Variants in MTR observed in about 807,000 individuals in gnomAD.
The protein encoded by MTR is 5-methyltetrahydrofolate-homocysteine methyltransferase, also known as methionine synthase.
In MTR, 84 loss-of-function variants were observed where a neutral mutation model predicts 154.8. That is an observed-to-expected ratio of 0.54 (90% CI 0.45 to 0.65). The LOEUF is 0.65. MTR is among the 30% of genes least tolerant of loss of function. MTR has a pLI of 0.00. For synonymous variants in MTR, 554 were observed against 553.9 expected, an observed-to-expected ratio of 1.00 and a Z score of 0.00; for missense variants, 1,275 against 1,570.2, an observed-to-expected ratio of 0.81 and a Z score of 3.18.
At chr1:236,832,864 C>T (rs761121740) in intron 13 of MTR, among the ~76,000 whole-genome samples, 10 of 152,274 alleles carry the variant, frequency 6.6e-5, no homozygotes, top group South Asian at 2.1e-4. Flanking sequence ...TCCCTGGAGG[C>T]GTGTCTTCCT....
chr1:236,803,380 C>T (rs1215646034), intron 1 of MTR, 48 bp from the exon 2 acceptor site: 16 of 1,572,786 alleles, frequency 1.0e-5, no homozygotes, highest in Non-Finnish European at 1.3e-5. Context: ...CCTCACACAT[C>T]TTTTTCACCT....
At chr1:236,868,287 G>A (rs1664931628) in intron 22 of MTR, among the ~76,000 whole-genome samples, 2 of 151,894 alleles carry the variant, frequency 1.3e-5, no homozygotes, top group Admixed American at 6.6e-5. Flanking sequence ...TTTTTTTTTA[G>A]CAACAAGTAT....
chr1:236,822,318 T>TTTG (rs1487949637), intron 8 of MTR, among the ~76,000 whole-genome samples: 3 of 149,478 alleles, frequency 2.0e-5, no homozygotes, highest in Non-Finnish European at 4.5e-5. Flanking sequence ...TTTTGTTTTT[T>TTTG]TTTTTTTTTG....
At chr1:236,874,658 T>A in intron 23 of MTR, 68 bp from the exon 24 acceptor site, 2 of 1,327,448 alleles carry the variant, frequency 1.5e-6, no homozygotes, top group Non-Finnish European at 2.1e-6. Flanking sequence ...ATCTTCATCC[T>A]TTTCCTTTTT....
chr1:236,829,321 GA>G (rs1249283766), intron 12 of MTR, 53 bp downstream of exon 12: 1 of 1,436,394 alleles, frequency 7.0e-7, no homozygotes, highest in Non-Finnish European at 9.8e-7. Flanking sequence ...TGTGGAGTGT[GA>G]GTATTCTAAG....
chr1:236,896,776 G>T (rs1218283497), intron 31 of MTR, among the ~76,000 whole-genome samples: 2 of 152,136 alleles, frequency 1.3e-5, no homozygotes, highest in Admixed American at 6.5e-5. Context: ...TCCCAGGCCT[G>T]TCCCCCTGGG....
At chr1:236,856,097 T>A (rs1664185994) in intron 18 of MTR, among the ~76,000 whole-genome samples, 2 of 152,184 alleles carry the variant, frequency 1.3e-5, no homozygotes, top group African/African-American at 4.8e-5. Context: ...GTAGCCTCTT[T>A]TGCCTCTGTC....
At chr1:236,889,043 T>G in intron 27 of MTR, 138 bp from the exon 28 acceptor site, 1 of 1,038,334 alleles carries the variant, frequency 9.6e-7, no homozygotes, top group Non-Finnish European at 1.5e-6. Flanking sequence ...AAAGTTCCCC[T>G]CTTTGTAAAA....
intron 31 of MTR, among the ~76,000 whole-genome samples, chr1:236,896,614 G>A (rs1030589710): frequency 6.6e-6 from 1 of 152,200 alleles, no homozygotes; most frequent in Non-Finnish European, 1.5e-5. Flanking sequence ...GTCGTCCCTA[G>A]TATCAGTGGC....
At chr1:236,823,994 A>T in intron 8 of MTR, 125 bp from the exon 9 acceptor site, 1 of 810,096 alleles carries the variant, frequency 1.2e-6, no homozygotes, top group Non-Finnish European at 2.1e-6. Flanking sequence ...TAGTTGAATA[A>T]AAGTGCTTTG....
chr1:236,821,999 A>G (rs984223578), intron 8 of MTR, among the ~76,000 whole-genome samples: 3 of 152,134 alleles, frequency 2.0e-5, no homozygotes, highest in Non-Finnish European at 4.4e-5. Flanking sequence ...CAGTCCTTCA[A>G]CTTTTGTTTT....
chr1:236,795,532 C>A lies in MTR; in HGVS notation c.-172C>A, dbSNP rs1558264385. The A allele has an allele frequency of 2.0e-6, 3 of 1,530,956 alleles. No homozygotes were observed. The South Asian group carries it at 3.6e-5, about 18-fold the overall frequency. The allele number at this position is 1,530,956 out of a possible 1,614,324, so 94.8% of individuals were successfully genotyped here. A position where few individuals can be genotyped will look rare whatever the true frequency, so the allele number is the denominator to read the frequency against. ...GAGAGAGGCCCTAGGGCGCTGCGGG[C>A]TTTCGGGGTCCGCAGTCCCCCCGCG... On this transcript the variant is annotated 5_prime_UTR_variant, in exon 1 of 33. Transcript: ENST00000366577.
Position 236,851,989 on chromosome 1 carries a change from T to C in MTR, c.1696-532T>C, listed in dbSNP as rs188793452. ...TGCATGCCTGAACTTCTCTGTAGCA[T>C]AGACCCAGAAGTGGTTGGCTCATAG... is the stretch of plus-strand genomic sequence containing the variant. On this transcript the variant is annotated intron_variant, in intron 16 of 32. Transcript: ENST00000366577. 7.8e-4 allele frequency among the ~76,000 whole-genome samples: 119 copies of C among 152,292 alleles called. 3 individuals are homozygous for C. The highest frequency in any genetic ancestry group is 2.8e-3 in the African/African-American group (117 of 41,556).
chr1:236,807,465 C>T (rs191542333), intron 3 of MTR, among the ~76,000 whole-genome samples: 7 of 152,246 alleles, frequency 4.6e-5, no homozygotes, highest in Admixed American at 2.6e-4. Flanking sequence ...TGAGCCACCG[C>T]GCCTGGCCGG....
chr1:236,808,656 G>A (rs764840784), intron 3 of MTR, 48 bp from the exon 4 acceptor site: 3 of 1,541,028 alleles, frequency 1.9e-6, no homozygotes, highest in Admixed American at 1.7e-5. Flanking sequence ...ATTATTTATT[G>A]TGCGGAGGAA....
At chr1:236,837,279 T>A (rs1662962334) in intron 14 of MTR, among the ~76,000 whole-genome samples, 1 of 152,152 alleles carries the variant, frequency 6.6e-6, no homozygotes, top group South Asian at 2.1e-4. Context: ...CCTTTTCTTT[T>A]TTGCTCGTTT....
intron 23 of MTR, among the ~76,000 whole-genome samples, chr1:236,874,191 G>T (rs1665300313): frequency 6.6e-6 from 1 of 152,136 alleles, no homozygotes; most frequent in African/African-American, 2.4e-5. Context: ...ACTATGGCAA[G>T]TAATTATTGC....
In MTR at chr1:236,895,208, A is replaced by G. The variant is rs1028216248; in HGVS notation, c.3406-150A>G. 1.1e-5 allele frequency: 10 copies of G among 905,762 alleles called. No homozygotes were observed. The Admixed American group carries it at 1.6e-4, about 15-fold the overall frequency. 56.1% of individuals were successfully genotyped at this position (905,762 alleles called of 1,614,324 possible). ...TGATGAAAGTACAAACCAATCAAGAATCCAGCCTGTTTCCTCTTGTCAAAT... is the reference window on the plus strand; with the variant it reads ...TGATGAAAGTACAAACCAATCAAGAGTCCAGCCTGTTTCCTCTTGTCAAAT... On this transcript the variant is annotated intron_variant, in intron 30 of 32. Transcript: ENST00000366577.
In MTR at chr1:236,891,279, G is replaced by C; in HGVS notation, c.3154G>C (p.Val1052Leu). The part of the protein sequence containing the change: ...DDIHLYAEAA[V>L]PQAAEPIATF... ...CATTCACCTGTACGCAGAGGCTGCT[G>C]TGCCCCAGGCTGCAGAGCCCATAGC... The change falls in exon 29 of 33, where the codon GTG (valine) becomes CTG (leucine). Residue 1052 changes from valine (V) to leucine (L), a missense_variant. Physicochemically the swap from Val to Leu is conservative, Grantham distance 32 (BLOSUM62 1). Coordinates refer to ENST00000366577, the MANE Select transcript of MTR (RefSeq NM_000254.3). 1.2e-6 allele frequency: 2 copies of C among 1,614,164 alleles called. No homozygotes were observed. The highest frequency in any genetic ancestry group is 1.7e-6 in the Non-Finnish European group (2 of 1,180,026).
Sources: gnomAD v4.1 joint callset for allele counts (sites outside exome capture counted in the v4.1 genomes callset) on GRCh38, gnomAD v4.1.1 for gene constraint, MANE v1.5 for transcripts, NCBI Gene and HGNC (gene_info 2026-07-23, HGNC 2026-07-21) for gene names.